The following NPC1 variants were observed in gnomAD, a reference collection of about 807,000 sequenced individuals.
NPC1 encodes the protein Niemann-Pick C1 protein.
In NPC1, 85 loss-of-function variants were observed where a neutral mutation model predicts 140.4. That is an observed-to-expected ratio of 0.61 (90% confidence interval 0.51 to 0.72). The LOEUF (loss-of-function observed/expected upper bound fraction) is 0.72. NPC1 is among the 30% of genes least tolerant of loss of function. The pLI is 0.00. For missense variants in NPC1, 1,504 were observed against 1,623.8 expected, an observed-to-expected ratio of 0.93 and a Z score of 1.27; for synonymous variants, 656 against 624.8, an observed-to-expected ratio of 1.05 and a Z score of -0.74.
intron 1 of NPC1, among the ~76,000 whole-genome samples, chr18:23,583,348 C>T (rs144099801): frequency 1.1e-4 from 17 of 152,174 alleles, no homozygotes; most frequent in African/African-American, 4.1e-4. Context: ...GAGTCAAGAC[C>T]CACACCAAGG....
At chr18:23,561,971 A>G (rs970206373) in intron 4 of NPC1, among the ~76,000 whole-genome samples, 1 of 152,202 alleles carries the variant, frequency 6.6e-6, no homozygotes, top group Non-Finnish European at 1.5e-5. Context: ...AACTGGTTTT[A>G]GAGCAGAGGT....
intron 3 of NPC1, among the ~76,000 whole-genome samples, chr18:23,516,883 G>A (rs904704415): frequency 1.3e-5 from 2 of 151,660 alleles, no homozygotes; most frequent in African/African-American, 2.4e-5. Context: ...GCGTCACCTC[G>A]CCCGGCTAGT....
At position 23,544,472 on chromosome 18, in the gene NPC1, C is replaced by G. The variant is rs748431459; in HGVS notation, c.2002G>C (p.Val668Leu). The G allele has an allele frequency of 6.2e-7, 1 of 1,614,194 alleles. No individual in the cohort carries two copies. The highest frequency in any genetic ancestry group is 8.5e-7 in the Non-Finnish European group (1 of 1,180,030). The change falls in exon 13 of 25, where the codon GTG becomes CTG. Residue 668 changes from valine (V) to leucine (L), a missense_variant. By Grantham distance (32) the Val-to-Leu change is conservative. Coordinates refer to ENST00000269228, the MANE Select transcript of NPC1 (RefSeq NM_000271.5). The stretch of plus-strand genomic sequence containing the variant: ...CTGAAGACACCCAAGGAGCAAGCCA[C>G]CGAGCTCAGCACGATCAAGATGCCC... ...IAGILIVLSS[V>L]ACSLGVFSYI...
At chr18:23,532,381 T>C (rs887549072) in intron 24 of NPC1, 97 bp from the exon 25 acceptor site, 5 of 1,349,472 alleles carry the variant, frequency 3.7e-6, no homozygotes, top group Non-Finnish European at 5.3e-6. Flanking sequence ...TTTGGAAGAC[T>C]GAGGCAGGAG....
At chr18:23,569,056 A>G in intron 3 of NPC1, 58 bp from the exon 4 acceptor site, 1 of 1,184,804 alleles carries the variant, frequency 8.4e-7, no homozygotes, top group Non-Finnish European at 1.3e-6. Context: ...GCCAGCAAGA[A>G]CGATTTTAAA....
chr18:23,531,210 C>G (rs1195907708), downstream of NPC1, among the ~76,000 whole-genome samples: 1 of 152,102 alleles, frequency 6.6e-6, no homozygotes, highest in East Asian at 1.9e-4. Flanking sequence ...AGGCTGGTCT[C>G]AAACTCCTGA....
chr18:23,510,946 A>G (rs946679370), intron 3 of NPC1, among the ~76,000 whole-genome samples: 3 of 152,240 alleles, frequency 2.0e-5, no homozygotes, highest in Non-Finnish European at 4.4e-5. Context: ...AAGCAGAACT[A>G]CTGTTTGACC....
chr18:23,547,289 T>A (rs1401219073), intron 11 of NPC1, among the ~76,000 whole-genome samples: 1 of 152,198 alleles, frequency 6.6e-6, no homozygotes, highest in Non-Finnish European at 1.5e-5. Flanking sequence ...TTGCTTGATA[T>A]TTTTTTCTAA....
chr18:23,549,227 C>T (rs558703822), intron 10 of NPC1, among the ~76,000 whole-genome samples: 43 of 152,086 alleles, frequency 2.8e-4, no homozygotes, highest in African/African-American at 1.0e-3. Flanking sequence ...GACAGGATCT[C>T]ACTCTGTTGC....
At chr18:23,565,513 G>A (rs147971154) in intron 4 of NPC1, among the ~76,000 whole-genome samples, 3,763 of 152,058 alleles carry the variant, frequency 0.025, 157 homozygotes, top group African/African-American at 0.086. Context: ...GCGCCACCAC[G>A]CCCAGCTAAT....
At chr18:23,517,278 T>TC (rs2058033444) in intron 3 of NPC1, among the ~76,000 whole-genome samples, 1 of 151,718 alleles carries the variant, frequency 6.6e-6, no homozygotes, top group South Asian at 2.1e-4. Context: ...GCCTCCCGAG[T>TC]AGCTGGGACT....
At chr18:23,528,366 A>G (rs568810215), downstream of NPC1, 1 of 156,444 alleles carries the variant, frequency 6.4e-6, no homozygotes, top group East Asian at 1.9e-4. Context: ...GCGTGTTTGT[A>G]GTCAAGGTAA....
chr18:23,586,491 C>G lies in NPC1; in HGVS notation c.-148G>C. Reference sequence around the variant, plus strand: ...GCGCTGACCGCGGCAGCAGGCTGCGCGCGCCGGTCAGGAAGGAAGAAGGCG... The same window carrying G: ...GCGCTGACCGCGGCAGCAGGCTGCGGGCGCCGGTCAGGAAGGAAGAAGGCG... On this transcript the variant is annotated 5_prime_UTR_variant, in exon 1 of 25. Coordinates refer to ENST00000269228, the MANE Select transcript of NPC1 (RefSeq NM_000271.5). 1.4e-6 allele frequency: 2 copies of G among 1,421,686 alleles called. No individual in the cohort carries two copies. The highest frequency in any genetic ancestry group is 1.8e-6 in the Non-Finnish European group (2 of 1,095,810). The allele number at this position is 1,421,686 out of a possible 1,614,324, so 88.1% of individuals were successfully genotyped here.
chr18:23,513,614 C>T (rs1032627317), intron 3 of NPC1, among the ~76,000 whole-genome samples: 3 of 152,174 alleles, frequency 2.0e-5, no homozygotes, highest in Non-Finnish European at 4.4e-5. Flanking sequence ...TTTAGGGAAC[C>T]GCTATACTGT....
At position 23,543,200 on chromosome 18, in the gene NPC1, G is replaced by A. The variant is rs2960587; in HGVS notation, c.2245+255C>T. Among the ~76,000 whole-genome samples the A allele has an allele frequency of 3.5e-3, 539 of 152,074 alleles. 4 individuals are homozygous for A. Among genetic ancestry groups the A allele is most frequent in the African/African-American group, 0.012 (500 of 41,496 alleles). ...AAAAATTAACTGGGCATGGTGGTAC[G>A]TGCCTTTAATCCCAGCTATTTGGGA... is the stretch of plus-strand genomic sequence containing the variant. On this transcript the variant is annotated intron_variant, in intron 14 of 24. Coordinates refer to ENST00000269228, the MANE Select transcript of NPC1 (RefSeq NM_000271.5).
At chr18:23,545,864 G>A (rs974994270) in intron 11 of NPC1, among the ~76,000 whole-genome samples, 11 of 152,176 alleles carry the variant, frequency 7.2e-5, no homozygotes, top group African/African-American at 2.7e-4. Context: ...CTAAGTGCTG[G>A]GATGACAGGC....
chr18:23,521,694 TC>T (rs75991556), downstream of NPC1, among the ~76,000 whole-genome samples: 72,139 of 137,620 alleles, frequency 0.52, 17,420 homozygotes, highest in East Asian at 0.67. Context: ...ACACTCTCTC[TC>T]TTTTTTTTTT....
intron 24 of NPC1, 36 bp downstream of exon 24, chr18:23,533,316 CCTT>C (rs1301147133): frequency 6.4e-7 from 1 of 1,573,230 alleles, no homozygotes; most frequent in African/African-American, 1.3e-5. Context: ...TCAGTAATGT[CCTT>C]CTATTGTGCC....
At chr18:23,569,190 A>G (rs1423495118) in intron 3 of NPC1, among the ~76,000 whole-genome samples, 192 bp from the exon 4 acceptor site, 1 of 152,216 alleles carries the variant, frequency 6.6e-6, no homozygotes, top group Non-Finnish European at 1.5e-5. Context: ...AAAATGCCCT[A>G]ATTACTTTCT....
Sources: gnomAD v4.1 joint callset for allele counts (sites outside exome capture counted in the v4.1 genomes callset) on GRCh38, gnomAD v4.1.1 for gene constraint, MANE v1.5 for transcripts, NCBI Gene and HGNC (gene_info 2026-07-23, HGNC 2026-07-21) for gene names.